Variants in IMMP2L observed in about 807,000 individuals in gnomAD.
The protein encoded by IMMP2L is inner mitochondrial membrane peptidase subunit 2.
In IMMP2L, 18 loss-of-function variants were observed where a neutral mutation model predicts 19.3. That is an observed-to-expected ratio of 0.93 (90% CI 0.64 to 1.38). The LOEUF is 1.38. Ranked by LOEUF, IMMP2L falls within the 40% of genes most tolerant of loss-of-function variation. The probability of loss-of-function intolerance (pLI) is 0.00; values close to 1 mark genes in which losing one functional copy is unlikely to be tolerated. For synonymous variants in IMMP2L, 76 were observed against 73.0 expected, an observed-to-expected ratio of 1.04 and a Z score of -0.21; for missense variants, 233 against 218.2, an observed-to-expected ratio of 1.07 and a Z score of -0.43.
At chr7:111,243,312 T>G (rs2129630494) in intron 3 of IMMP2L, among the ~76,000 whole-genome samples, 1 of 152,166 alleles carries the variant, frequency 6.6e-6, no homozygotes, top group South Asian at 2.1e-4. Context: ...CTTGTAGAAT[T>G]AAAAACTATG....
intron 5 of IMMP2L, among the ~76,000 whole-genome samples, chr7:110,689,147 A>T (rs1295290935): frequency 6.6e-6 from 1 of 152,158 alleles, no homozygotes; most frequent in Non-Finnish European, 1.5e-5. Context: ...TGTGGTTCAA[A>T]CAGGCCTCCA....
chr7:111,270,600 T>C (rs1033417130), intron 3 of IMMP2L, among the ~76,000 whole-genome samples: 5 of 152,176 alleles, frequency 3.3e-5, no homozygotes, highest in African/African-American at 1.2e-4. Context: ...AAATTAGCTG[T>C]CAAAACCAAC....
chr7:110,787,742 C>A (rs1003564920), intron 5 of IMMP2L, among the ~76,000 whole-genome samples: 2 of 151,780 alleles, frequency 1.3e-5, no homozygotes, highest in Admixed American at 6.6e-5. Flanking sequence ...ATGTCAGGTC[C>A]TAGGTACTAG....
intron 3 of IMMP2L, among the ~76,000 whole-genome samples, chr7:111,182,786 C>G (rs1044299068): frequency 5.9e-5 from 9 of 151,810 alleles, no homozygotes. Flanking sequence ...ACAATGTAAG[C>G]AGAGACACGC....
chr7:111,009,326 A>T (rs1824667099), intron 3 of IMMP2L, among the ~76,000 whole-genome samples: 1 of 152,120 alleles, frequency 6.6e-6, no homozygotes, highest in Non-Finnish European at 1.5e-5. Flanking sequence ...CTATATTAGT[A>T]AGCCAAATTA....
At chr7:111,345,890 G>C (rs1827488805) in intron 3 of IMMP2L, among the ~76,000 whole-genome samples, 1 of 152,126 alleles carries the variant, frequency 6.6e-6, no homozygotes, top group Admixed American at 6.6e-5. Context: ...ATGCTCCTTA[G>C]AGCCAAGAGA....
At chr7:110,785,885 TC>T (rs138126089) in intron 5 of IMMP2L, among the ~76,000 whole-genome samples, 5,598 of 151,992 alleles carry the variant, frequency 0.037, 315 homozygotes, top group African/African-American at 0.12. Flanking sequence ...TATGTATTTT[TC>T]TCTCTCTTTC....
chr7:111,487,338 A>G lies in IMMP2L; in HGVS notation c.139T>C (p.Ser47Pro). 6.3e-7 allele frequency: 1 copy of G among 1,581,056 alleles called. No homozygotes were observed. Among genetic ancestry groups the G allele is most frequent in the Non-Finnish European group, 8.7e-7 (1 of 1,150,020 alleles). Residue 47 changes from serine (S) to proline (P), a missense_variant, in exon 3 of 6, where the codon TCT becomes CCT. Physicochemically the swap from Ser to Pro is moderately conservative, Grantham distance 74. Transcript: ENST00000405709. ...ARVEGASMQP[S>P]LNPGGSQSSD... ...GACTGGCTCCCCCCAGGATTCAAAG[A>G]AGGCTAGAAAATAAGGAGAAAGAGA...
intron 3 of IMMP2L, among the ~76,000 whole-genome samples, chr7:110,977,463 G>A (rs1203703239): frequency 6.6e-6 from 1 of 151,960 alleles, no homozygotes; most frequent in Non-Finnish European, 1.5e-5. Context: ...TTATAATGGA[G>A]AGTTCCATGG....
chr7:111,181,704 C>G (rs1807727484), intron 3 of IMMP2L, among the ~76,000 whole-genome samples: 1 of 151,978 alleles, frequency 6.6e-6, no homozygotes, highest in Admixed American at 6.6e-5. Context: ...AACAAATGAC[C>G]AGCATCATTT....
intron 4 of IMMP2L, among the ~76,000 whole-genome samples, chr7:110,894,802 G>A (rs1231915713): frequency 6.6e-6 from 1 of 151,880 alleles, no homozygotes; most frequent in Non-Finnish European, 1.5e-5. Flanking sequence ...TTTTTCTCCT[G>A]TGTTTTCTTC....
intron 3 of IMMP2L, among the ~76,000 whole-genome samples, chr7:111,372,088 T>C (rs1052757063): frequency 6.6e-6 from 1 of 152,018 alleles, no homozygotes; most frequent in African/African-American, 2.4e-5. Context: ...ACTGCCAGTC[T>C]GAGGTTCTGT....
intron 4 of IMMP2L, among the ~76,000 whole-genome samples, chr7:110,941,739 G>T (rs1816745276): frequency 6.6e-6 from 1 of 152,096 alleles, no homozygotes; most frequent in Non-Finnish European, 1.5e-5. Context: ...CTAATATTAA[G>T]TAATGTTCCT....
At chr7:111,359,532 C>T (rs37659) in intron 3 of IMMP2L, among the ~76,000 whole-genome samples, 7,910 of 151,954 alleles carry the variant, frequency 0.052, 288 homozygotes, top group African/African-American at 0.097. Context: ...GAACTCCTGA[C>T]CCCAAGTAAC....
intron 5 of IMMP2L, among the ~76,000 whole-genome samples, chr7:110,710,951 G>C (rs993337728): frequency 1.3e-4 from 3 of 22,228 alleles, no homozygotes; most frequent in African/African-American, 2.5e-4. Context: ...GATGGGTCTT[G>C]ACTCTTTATC....
intron 3 of IMMP2L, among the ~76,000 whole-genome samples, chr7:111,484,003 T>A (rs1419656727): frequency 6.6e-6 from 1 of 152,158 alleles, no homozygotes; most frequent in Admixed American, 6.5e-5. Flanking sequence ...CACAAAACAA[T>A]GAGGAGAGCA....
At chr7:110,826,366 T>C (rs1803488438) in intron 5 of IMMP2L, among the ~76,000 whole-genome samples, 1 of 152,198 alleles carries the variant, frequency 6.6e-6, no homozygotes, top group African/African-American at 2.4e-5. Context: ...TAAATCATGC[T>C]GCTATAAAGA....
Position 110,757,487 on chromosome 7 carries a change from C to T in IMMP2L, c.409-93766G>A, listed in dbSNP as rs891300004. On this transcript the variant is annotated intron_variant, in intron 5 of 5. Coordinates refer to ENST00000405709, the MANE Select transcript of IMMP2L (RefSeq NM_032549.4). The surrounding 1 kb of genome is among the most constrained non-coding windows in gnomAD (Gnocchi z 4.2). ...CCACATTTCTCTTGAACTCTTTGTC[C>T]CAGGAGGTTATGTGGATTGTAGTAG... Among the ~76,000 whole-genome samples the T allele has an allele frequency of 6.6e-6, 1 of 151,994 alleles. No individual in the cohort carries two copies. Among genetic ancestry groups the T allele is most frequent in the African/African-American group, 2.4e-5 (1 of 41,382 alleles).
chr7:111,465,501 TAAAAAAAAAAA>T (rs757362734), intron 3 of IMMP2L, among the ~76,000 whole-genome samples: 1 of 64,288 alleles, frequency 1.6e-5, no homozygotes, highest in African/African-American at 5.1e-5. Flanking sequence ...CAGGTGTCAC[TAAAAAAAAAAA>T]AAAAAAAAAA....
Sources: gnomAD v4.1 joint callset for allele counts (sites outside exome capture counted in the v4.1 genomes callset) on GRCh38, gnomAD v4.1.1 for gene constraint, Gnocchi (gnomAD v3.1) non-coding constraint, MANE v1.5 for transcripts, NCBI Gene and HGNC (gene_info 2026-07-23, HGNC 2026-07-21) for gene names.